The following SHISA9 variants were observed in gnomAD, a reference collection of about 807,000 sequenced individuals.
The protein encoded by SHISA9 is shisa family member 9.
Under a neutral mutation model 38.0 loss-of-function variants are expected in SHISA9, and 13 were observed. The observed-to-expected ratio is 0.34, with a 90% CI of 0.22 to 0.54. SHISA9 has a LOEUF of 0.54. Among genes scored for constraint, SHISA9 ranks in the 20% least tolerant of loss-of-function variants. The pLI is 0.91. For synonymous variants in SHISA9, 275 were observed against 242.0 expected (o/e 1.14, Z -1.27); for missense variants, 538 against 575.8 (o/e 0.93, Z 0.67).
chr16:13,023,263 T>C (rs765210314), intron 2 of SHISA9, among the ~76,000 whole-genome samples: 32 of 152,160 alleles, frequency 2.1e-4, no homozygotes, highest in Non-Finnish European at 4.1e-4. Context: ...AGTGAGAACA[T>C]GCGGTGTTTG....
the SHISA9 span, among the ~76,000 whole-genome samples, chr16:13,471,130 C>T: frequency 1.3e-5 from 2 of 152,024 alleles, no homozygotes; most frequent in Non-Finnish European, 2.9e-5. Context: ...TATCCACGGA[C>T]TCACATATCT....
intron 2 of SHISA9, among the ~76,000 whole-genome samples, chr16:12,979,866 A>C (rs2072217500): frequency 6.6e-6 from 1 of 152,102 alleles, no homozygotes; most frequent in African/African-American, 2.4e-5. Flanking sequence ...ATGCTCTCCC[A>C]TCCCTTTTTT....
In SHISA9 at chr16:12,917,256, C is replaced by T. The variant is rs149410878; in HGVS notation, c.691+441C>T. 7.3e-4 allele frequency among the ~76,000 whole-genome samples: 111 copies of T among 152,298 alleles called. 1 individual carries two copies. The East Asian group carries it at 0.016, about 22-fold the overall frequency. On this transcript the variant is annotated intron_variant, in intron 2 of 4. Coordinates refer to ENST00000558583, the MANE Select transcript of SHISA9 (RefSeq NM_001145204.3). Reference sequence around the variant, plus strand: ...CCAGTTGTGACTTCTAGGTTTCATGCTGTTTTCAATTATGAAATACTAGTT... The same window carrying T: ...CCAGTTGTGACTTCTAGGTTTCATGTTGTTTTCAATTATGAAATACTAGTT...
At chr16:13,296,563 T>TA in the SHISA9 span, among the ~76,000 whole-genome samples, 427 of 146,272 alleles carry the variant, frequency 2.9e-3, 5 homozygotes, top group East Asian at 1.4e-3. Flanking sequence ...ACATGGGGCT[T>TA]AAAAAAAAAA....
the SHISA9 span, among the ~76,000 whole-genome samples, chr16:13,416,429 G>GT: frequency 1.3e-5 from 2 of 152,176 alleles, no homozygotes; most frequent in African/African-American, 4.8e-5. Flanking sequence ...CCCACCTCCA[G>GT]TTTAACCATC....
At chr16:12,999,139 T>A (rs1205568503) in intron 2 of SHISA9, among the ~76,000 whole-genome samples, 1 of 152,186 alleles carries the variant, frequency 6.6e-6, no homozygotes, top group Non-Finnish European at 1.5e-5. Flanking sequence ...CTAACCTGTA[T>A]TTTCTTTATA....
the SHISA9 span, among the ~76,000 whole-genome samples, chr16:13,489,171 T>G: frequency 6.6e-6 from 1 of 152,034 alleles, no homozygotes; most frequent in Non-Finnish European, 1.5e-5. Context: ...CTAGGCCTCC[T>G]GAAGTAGCTG....
chr16:13,397,828 T>C, the SHISA9 span, among the ~76,000 whole-genome samples: 4 of 152,188 alleles, frequency 2.6e-5, no homozygotes, highest in Non-Finnish European at 4.4e-5. Context: ...GGGCTTTCTG[T>C]ATCCCAGGGT....
chr16:13,198,000 C>T (rs1349472675), intron 2 of SHISA9, among the ~76,000 whole-genome samples: 2 of 152,108 alleles, frequency 1.3e-5, no homozygotes. Flanking sequence ...GCCTGGCCAA[C>T]ATGGAGAAGC....
At chr16:13,335,525 C>G in the SHISA9 span, among the ~76,000 whole-genome samples, 1 of 152,154 alleles carries the variant, frequency 6.6e-6, no homozygotes, top group African/African-American at 2.4e-5. Context: ...TTAGAAGATG[C>G]AAAATTCTCT....
Position 13,238,910 on chromosome 16 carries a change from G to A in SHISA9, c.*3501G>A, listed in dbSNP as rs180840008. ...GCAGGTTAGTTACATATGTATACAC[G>A]TGTCATGCTGGTGTGCTGCACCCAT... On this transcript the variant is annotated 3_prime_UTR_variant, in exon 5 of 5. Transcript: ENST00000558583. The A allele has an allele frequency of 6.7e-5, 10 of 148,426 alleles. No homozygotes were observed. The highest frequency in any genetic ancestry group is 2.0e-4 in the African/African-American group (8 of 40,342). 9.2% of individuals were successfully genotyped at this position (148,426 alleles called of 1,614,324 possible).
intron 2 of SHISA9, among the ~76,000 whole-genome samples, chr16:12,925,153 C>T (rs765105200): frequency 3.3e-5 from 5 of 151,650 alleles, no homozygotes; most frequent in East Asian, 3.9e-4. Context: ...TTGATAACAC[C>T]GTGTGTGTGT....
the SHISA9 span, among the ~76,000 whole-genome samples, chr16:13,287,012 C>T: frequency 2.0e-5 from 3 of 152,154 alleles, no homozygotes; most frequent in East Asian, 1.9e-4. Context: ...ATTACCTCTT[C>T]GATTCACTCA....
chr16:13,327,897 G>A, the SHISA9 span, among the ~76,000 whole-genome samples: 1 of 152,040 alleles, frequency 6.6e-6, no homozygotes, highest in African/African-American at 2.4e-5. Context: ...GACCTGGAGT[G>A]ATCCACCCAC....
the SHISA9 span, among the ~76,000 whole-genome samples, chr16:13,355,350 G>A: frequency 3.6e-4 from 55 of 152,056 alleles, no homozygotes; most frequent in Middle Eastern, 3.4e-3. Flanking sequence ...ATTTTAATGA[G>A]ATGGTAAGGG....
chr16:13,333,880 G>A, the SHISA9 span, among the ~76,000 whole-genome samples: 1 of 152,090 alleles, frequency 6.6e-6, no homozygotes, highest in African/African-American at 2.4e-5. Context: ...TCATAACCTT[G>A]TTACAAAGGA....
At chr16:13,230,588 G>A (rs986946262) in intron 4 of SHISA9, among the ~76,000 whole-genome samples, 6 of 152,142 alleles carry the variant, frequency 3.9e-5, no homozygotes, top group Non-Finnish European at 8.8e-5. Flanking sequence ...GCTGGGTTCA[G>A]GCATGGCCAC....
chr16:13,472,377 ATTTTTTTTTTT>A, the SHISA9 span, among the ~76,000 whole-genome samples: 18 of 55,416 alleles, frequency 3.2e-4, no homozygotes, highest in African/African-American at 8.0e-4. Flanking sequence ...GCTCTGCTAA[ATTTTTTTTTTT>A]TTTTTTTTTT....
the SHISA9 span, among the ~76,000 whole-genome samples, chr16:13,281,313 T>G: frequency 6.6e-6 from 1 of 151,806 alleles, no homozygotes; most frequent in Admixed American, 6.6e-5. Context: ...CAATATGGTT[T>G]CTTATTAATA....
Sources: gnomAD v4.1 joint callset for allele counts (sites outside exome capture counted in the v4.1 genomes callset) on GRCh38, gnomAD v4.1.1 for gene constraint, MANE v1.5 for transcripts, NCBI Gene and HGNC (gene_info 2026-07-23, HGNC 2026-07-21) for gene names.